Variants in TSPEAR observed in about 807,000 individuals in gnomAD.
TSPEAR encodes the protein thrombospondin type laminin G domain and EAR repeats, also known as thrombospondin-type laminin G domain and EAR repeat-containing protein.
TSPEAR carries 69 observed loss-of-function variants against 71.6 expected under a neutral mutation model. The ratio of observed to expected loss-of-function variants is 0.96; its 90% CI spans 0.79 to 1.18. TSPEAR has a LOEUF of 1.18. TSPEAR is among the 50% of genes most tolerant of loss of function. The pLI, the probability that TSPEAR is intolerant of heterozygous loss-of-function variation, is 0.00. For synonymous variants in TSPEAR, 402 were observed against 387.2 expected (o/e 1.04, Z -0.45); for missense variants, 971 against 894.9 (o/e 1.09, Z -1.09).
Position 44,684,626 on chromosome 21 carries a change from C to T in TSPEAR, c.82+26807G>A, listed in dbSNP as rs538325575. On this transcript the variant is annotated intron_variant, in intron 1 of 11. Transcript: ENST00000323084. ...CCCTGCAGATGTGCGCTGCAGGCAACGTGGACAGATGTGCTTTAGGTTGAC... is the reference window on the plus strand; with the variant it reads ...CCCTGCAGATGTGCGCTGCAGGCAATGTGGACAGATGTGCTTTAGGTTGAC... Among the ~76,000 whole-genome samples, 62 of 152,276 alleles carry T rather than the reference C, an allele frequency of 4.1e-4. No individual in the cohort carries two copies. The South Asian group carries it at 0.012, about 31-fold the overall frequency.
At chr21:44,701,436 C>T (rs959095785) in intron 1 of TSPEAR, among the ~76,000 whole-genome samples, 7 of 152,168 alleles carry the variant, frequency 4.6e-5, no homozygotes, top group Non-Finnish European at 1.0e-4. Context: ...ATGATTCAAG[C>T]GCATTACATT....
intron 2 of TSPEAR, among the ~76,000 whole-genome samples, chr21:44,540,568 C>CA (rs1321995531): frequency 2.0e-5 from 3 of 152,182 alleles, no homozygotes; most frequent in African/African-American, 7.2e-5. Flanking sequence ...CTGTCCCACT[C>CA]ACGATCGTGG....
rs1002401253 is a variant in TSPEAR at position 44,498,666 on chromosome 21, T to G, written c.*1117A>C. On this transcript the variant is annotated 3_prime_UTR_variant, in exon 12 of 12. Transcript: ENST00000323084. ...AGGAAGTTTTGTCCACAGTTCTGAT[T>G]GGCGGAAAAAGCACATTGTAAACTC... 1 of 152,262 alleles carries G rather than the reference T, an allele frequency of 6.6e-6. No homozygotes were observed. Among genetic ancestry groups the G allele is most frequent in the African/African-American group, 2.4e-5 (1 of 41,460 alleles). 9.4% of individuals were successfully genotyped at this position (152,262 alleles called of 1,614,324 possible). A position where few individuals can be genotyped will look rare whatever the true frequency, so the allele number is the denominator to read the frequency against.
At chr21:44,644,284 G>A (rs1164328024) in intron 1 of TSPEAR, among the ~76,000 whole-genome samples, 9 of 152,200 alleles carry the variant, frequency 5.9e-5, no homozygotes, top group African/African-American at 2.2e-4. Context: ...TAAAAAGACT[G>A]TACGTGCACT....
intron 1 of TSPEAR, among the ~76,000 whole-genome samples, chr21:44,650,433 TG>T (rs1391241601): frequency 1.3e-5 from 2 of 152,164 alleles, no homozygotes; most frequent in Non-Finnish European, 2.9e-5. Flanking sequence ...CGGCAGAGAC[TG>T]GGGCCACGTG....
chr21:44,517,266 C>G (rs1285532229), intron 9 of TSPEAR: 4 of 155,704 alleles, frequency 2.6e-5, no homozygotes, highest in African/African-American at 9.6e-5. Context: ...CAGTTCTGAT[C>G]TTCTCATTCT....
rs1984356183 is a variant in TSPEAR at position 44,646,334 on chromosome 21, T to C, written c.82+65099A>G. The C allele has an allele frequency of 2.2e-6, 3 of 1,383,062 alleles. No individual in the cohort carries two copies. The African/African-American group carries it at 4.4e-5, about 20-fold the overall frequency. The allele number at this position is 1,383,062 out of a possible 1,614,324, so 85.7% of individuals were successfully genotyped here. A position where few individuals can be genotyped will look rare whatever the true frequency, so the allele number is the denominator to read the frequency against. On this transcript the variant is annotated intron_variant, in intron 1 of 11. Coordinates refer to ENST00000323084, the MANE Select transcript of TSPEAR (RefSeq NM_144991.3). ...AAGAAAAGCTTGTGGAGCCTCCTGT[T>C]GGGACAACACATGCCAGGGAGGGAT...
At chr21:44,638,482 G>C (rs956981497) in intron 1 of TSPEAR, 7 of 369,710 alleles carry the variant, frequency 1.9e-5, no homozygotes, top group Non-Finnish European at 3.7e-5. Context: ...GGACCCCCGG[G>C]GGGGCACAGG....
intron 1 of TSPEAR, chr21:44,637,373 A>T (rs1230794872): frequency 1.3e-6 from 2 of 1,577,074 alleles, no homozygotes; most frequent in East Asian, 2.2e-5. Context: ...TCACACACTC[A>T]CTCACTCACA....
chr21:44,547,131 A>G (rs587738069), intron 2 of TSPEAR, among the ~76,000 whole-genome samples: 1 of 152,290 alleles, frequency 6.6e-6, no homozygotes, highest in South Asian at 2.1e-4. Context: ...CTTTATGTTC[A>G]CTAATTCTTC....
intron 1 of TSPEAR, among the ~76,000 whole-genome samples, chr21:44,700,369 G>C (rs952167030): frequency 1.3e-5 from 2 of 152,048 alleles, no homozygotes; most frequent in Admixed American, 6.6e-5. Flanking sequence ...CTCCTCTGCC[G>C]ACCCCCAGTG....
chr21:44,676,553 C>G (rs1986321722), intron 1 of TSPEAR: 5 of 733,110 alleles, frequency 6.8e-6, no homozygotes, highest in Non-Finnish European at 1.3e-5. Flanking sequence ...TGAACTTGCT[C>G]TTGACTTAGA....
chr21:44,632,947 T>C (rs2146211617), intron 1 of TSPEAR, among the ~76,000 whole-genome samples: 1 of 152,372 alleles, frequency 6.6e-6, no homozygotes, highest in African/African-American at 2.4e-5. Context: ...GTTATCTACA[T>C]TATGAATGTA....
chr21:44,631,199 A>C (rs1983236721), intron 1 of TSPEAR, among the ~76,000 whole-genome samples: 1 of 152,218 alleles, frequency 6.6e-6, no homozygotes, highest in African/African-American at 2.4e-5. Context: ...AACCATGACA[A>C]AAGAACAAAG....
At chr21:44,645,128 A>G (rs1370538156) in intron 1 of TSPEAR, among the ~76,000 whole-genome samples, 1 of 152,234 alleles carries the variant, frequency 6.6e-6, no homozygotes, top group Non-Finnish European at 1.5e-5. Context: ...CAAGCAAGGA[A>G]TCTTAAAATG....
chr21:44,561,489 A>G (rs2146057950), intron 2 of TSPEAR, among the ~76,000 whole-genome samples: 1 of 152,336 alleles, frequency 6.6e-6, no homozygotes, highest in African/African-American at 2.4e-5. Flanking sequence ...TTATGAGGCC[A>G]CCATCATCCT....
At chr21:44,504,144 CA>C (rs2052128598) in intron 11 of TSPEAR, among the ~76,000 whole-genome samples, 2 of 135,262 alleles carry the variant, frequency 1.5e-5, no homozygotes, top group African/African-American at 5.8e-5. Context: ...AGTGAGCCCA[CA>C]GTGGGGAAGC....
rs587624929 is a variant in TSPEAR, at chr21:44,601,541, C to T, written c.83-33536G>A. 1.5e-5 allele frequency: 24 copies of T among 1,613,794 alleles called. No homozygotes were observed. The South Asian group carries it at 2.1e-4, about 14-fold the overall frequency. On this transcript the variant is annotated intron_variant, in intron 1 of 11. Coordinates refer to ENST00000323084, the MANE Select transcript of TSPEAR (RefSeq NM_144991.3). Reference sequence around the variant, plus strand: ...ACCACCTCCTGCTGCAGACCCTCCTCCTCCGTGTCCCTCCTCTGCCGCCCC... The same window carrying T: ...ACCACCTCCTGCTGCAGACCCTCCTTCTCCGTGTCCCTCCTCTGCCGCCCC...
intron 1 of TSPEAR, among the ~76,000 whole-genome samples, chr21:44,685,598 T>C (rs1986820397): frequency 6.6e-6 from 1 of 152,120 alleles, no homozygotes; most frequent in Non-Finnish European, 1.5e-5. Flanking sequence ...TTCTGAGGTG[T>C]GGTGTCAGGA....
Sources: gnomAD v4.1 joint callset for allele counts (sites outside exome capture counted in the v4.1 genomes callset) on GRCh38, gnomAD v4.1.1 for gene constraint, MANE v1.5 for transcripts, NCBI Gene and HGNC (gene_info 2026-07-23, HGNC 2026-07-21) for gene names.